The following UACA variants were observed in gnomAD, a reference collection of about 807,000 sequenced individuals.
UACA encodes the protein nuclear membrane binding protein.
Under a neutral mutation model 160.5 loss-of-function variants are expected in UACA, and 112 were observed. The observed-to-expected ratio is 0.70, with a 90% CI of 0.60 to 0.82. UACA has a LOEUF of 0.82. Ranked by LOEUF, UACA falls within the 40% of genes least tolerant of loss-of-function variation. The probability of loss-of-function intolerance (pLI) is 0.00; values close to 1 mark genes in which losing one functional copy is unlikely to be tolerated. For missense variants in UACA, 1,574 were observed against 1,614.6 expected (o/e 0.97, Z 0.43); for synonymous variants, 557 against 568.4 (o/e 0.98, Z 0.29).
chr15:70,719,416 G>C (rs1399925408), intron 1 of UACA, among the ~76,000 whole-genome samples: 1 of 152,150 alleles, frequency 6.6e-6, no homozygotes, highest in Non-Finnish European at 1.5e-5. Flanking sequence ...GGATTCCCCC[G>C]ACAGGCAGAC....
intron 1 of UACA, among the ~76,000 whole-genome samples, chr15:70,747,241 GTT>G (rs549683234): frequency 3.1e-4 from 37 of 119,222 alleles, no homozygotes; most frequent in South Asian, 2.2e-3. Flanking sequence ...TGTTTTTTGG[GTT>G]TTTTTTTTTT....
chr15:70,763,798 C>A (rs1179749938), upstream of UACA, among the ~76,000 whole-genome samples: 6 of 152,240 alleles, frequency 3.9e-5, no homozygotes, highest in Admixed American at 6.5e-5. Flanking sequence ...CACCGGCGCC[C>A]GCCCACCCGG....
At chr15:70,748,784 A>AAGTGTTTAT in intron 1 of UACA, 1 of 152,532 alleles carries the variant, frequency 6.6e-6, no homozygotes. Flanking sequence ...ACTGATATTT[A>AAGTGTTTAT]AGTGTTTATA....
intron 1 of UACA, among the ~76,000 whole-genome samples, chr15:70,750,741 T>C (rs988022533): frequency 1.3e-5 from 2 of 152,100 alleles, no homozygotes; most frequent in African/African-American, 4.8e-5. Flanking sequence ...CATGGTGGCG[T>C]ATGCCTGTAG....
At chr15:70,761,989 T>C (rs1212199226) in intron 1 of UACA, among the ~76,000 whole-genome samples, 1 of 152,138 alleles carries the variant, frequency 6.6e-6, no homozygotes, top group East Asian at 1.9e-4. Context: ...ATTACAGAAG[T>C]AGAATCTTAA....
chr15:70,761,348 T>G (rs2030740821), intron 1 of UACA, among the ~76,000 whole-genome samples: 1 of 151,932 alleles, frequency 6.6e-6, no homozygotes, highest in Non-Finnish European at 1.5e-5. Context: ...CTTTCCAATA[T>G]TAAACCATGT....
chr15:70,717,173 AT>A (rs1898846047), intron 1 of UACA, among the ~76,000 whole-genome samples: 1 of 151,766 alleles, frequency 6.6e-6, no homozygotes, highest in Non-Finnish European at 1.5e-5. Context: ...GTGAGCCGAG[AT>A]CACACTATTG....
At position 70,667,770 on chromosome 15, in the gene UACA, T is replaced by C; in HGVS notation, c.2914A>G (p.Lys972Glu). Residue 972 changes from lysine to glutamate, a missense_variant, in exon 16 of 19, where the codon AAG (lysine) becomes GAG (glutamate). Coordinates refer to ENST00000322954, the MANE Select transcript of UACA (RefSeq NM_018003.4). ...TLHAEIKAQKKELDTIQECIK... is the reference protein window; with the variant it reads ...TLHAEIKAQKEELDTIQECIK... Reference sequence around the variant, plus strand: ...CATTCTTGTATTGTGTCGAGCTCCTTCTTCTGGGCTTTAATTTCGGCATGC... The same window carrying C: ...CATTCTTGTATTGTGTCGAGCTCCTCCTTCTGGGCTTTAATTTCGGCATGC... 1 of 1,614,070 alleles carries C rather than the reference T, an allele frequency of 6.2e-7. No homozygotes were observed. The highest frequency in any genetic ancestry group is 1.3e-5 in the African/African-American group (1 of 75,020).
chr15:70,657,426 C>CCCCCAGAG (rs1448395412), intron 18 of UACA, among the ~76,000 whole-genome samples: 3 of 151,594 alleles, frequency 2.0e-5, no homozygotes, highest in African/African-American at 7.3e-5. Flanking sequence ...GCCTGGCCAA[C>CCCCCAGAG]ATGGCGAAAC....
intron 1 of UACA, among the ~76,000 whole-genome samples, chr15:70,725,905 T>C (rs190796166): frequency 2.0e-5 from 3 of 152,276 alleles, no homozygotes; most frequent in Non-Finnish European, 2.9e-5. Context: ...ACTGAGGTGA[T>C]GGATGCCCTA....
In UACA at chr15:70,664,724, T is replaced by A; in HGVS notation, c.4051A>T (p.Arg1351Trp). Reference sequence around the variant, plus strand: ...AGAGTGTCAATCAGCTGGCTCTGCCTCTTGGTGGGGTTCCCACTTGTGTAG... The same window carrying A: ...AGAGTGTCAATCAGCTGGCTCTGCCACTTGGTGGGGTTCCCACTTGTGTAG... ...LTYTSGNPTK[R>W]QSQLIDTLQH... Residue 1351 changes from arginine to tryptophan, a missense_variant, in exon 17 of 19, where the codon AGG becomes TGG. Coordinates refer to ENST00000322954, the MANE Select transcript of UACA (RefSeq NM_018003.4). 6.2e-7 allele frequency: 1 copy of A among 1,613,660 alleles called. No individual in the cohort carries two copies. Among genetic ancestry groups the A allele is most frequent in the Non-Finnish European group, 8.5e-7 (1 of 1,179,820 alleles).
At chr15:70,763,201 G>T in intron 1 of UACA, 129 bp downstream of exon 1, 1 of 1,059,590 alleles carries the variant, frequency 9.4e-7, no homozygotes, top group Non-Finnish European at 1.2e-6. Context: ...TCAGGGAGGA[G>T]TCGCCAGGGC....
chr15:70,688,239 C>T (rs968756545), intron 5 of UACA, among the ~76,000 whole-genome samples: 11 of 152,198 alleles, frequency 7.2e-5, no homozygotes, highest in Non-Finnish European at 1.5e-4. Context: ...ATGAATCATA[C>T]AATTCATATT....
intron 13 of UACA, among the ~76,000 whole-genome samples, chr15:70,675,747 G>A (rs1369797314): frequency 1.3e-5 from 2 of 152,098 alleles, no homozygotes; most frequent in Admixed American, 1.3e-4. Flanking sequence ...TTTTGCTATG[G>A]TCTGAATGTC....
intron 2 of UACA, among the ~76,000 whole-genome samples, chr15:70,697,385 T>C (rs1288349001): frequency 6.6e-6 from 1 of 152,232 alleles, no homozygotes; most frequent in Non-Finnish European, 1.5e-5. Flanking sequence ...TGGAGTCCAC[T>C]GTTCTCCAAG....
At chr15:70,749,908 A>T (rs2029935163) in intron 1 of UACA, among the ~76,000 whole-genome samples, 1 of 152,200 alleles carries the variant, frequency 6.6e-6, no homozygotes, top group East Asian at 1.9e-4. Context: ...GCTAACATAC[A>T]GGAAGATATG....
chr15:70,729,490 C>T (rs972940648), intron 1 of UACA, among the ~76,000 whole-genome samples: 2 of 152,074 alleles, frequency 1.3e-5, no homozygotes, highest in African/African-American at 4.8e-5. Flanking sequence ...ACACTGAGTA[C>T]ACATGGACAT....
At chr15:70,664,942 A>G in intron 16 of UACA, 128 bp from the exon 17 acceptor site, 1 of 775,876 alleles carries the variant, frequency 1.3e-6, no homozygotes, top group Non-Finnish European at 2.0e-6. Flanking sequence ...TGAGGTATGA[A>G]TATTGCCAAG....
intron 5 of UACA, 84 bp from the exon 6 acceptor site, chr15:70,687,904 A>G (rs1367588067): frequency 7.5e-7 from 1 of 1,336,566 alleles, no homozygotes; most frequent in Non-Finnish European, 1.0e-6. Flanking sequence ...ATAAGGAATA[A>G]GTTTTTCAAT....
Sources: gnomAD v4.1 joint callset for allele counts (sites outside exome capture counted in the v4.1 genomes callset) on GRCh38, gnomAD v4.1.1 for gene constraint, MANE v1.5 for transcripts, NCBI Gene and HGNC (gene_info 2026-07-23, HGNC 2026-07-21) for gene names.